DTWD2: variants seen among roughly 807,000 people sequenced by gnomAD.
DTWD2 encodes the protein DTW motif tRNA-uridine aminocarboxypropyltransferase 2.
In DTWD2, 39 loss-of-function variants were observed where a neutral mutation model predicts 31.8. The ratio of observed to expected loss-of-function variants is 1.22; its 90% CI spans 0.95 to 1.60. DTWD2 has a LOEUF of 1.60. Ranked by LOEUF, DTWD2 falls within the 40% of genes most tolerant of loss-of-function variation. DTWD2 has a pLI of 0.00. For missense variants in DTWD2, 515 were observed against 381.5 expected, an observed-to-expected ratio of 1.35 and a Z score of -2.92; for synonymous variants, 180 against 142.8, an observed-to-expected ratio of 1.26 and a Z score of -1.86.
chr5:118,911,676 T>C (rs1324841230), intron 4 of DTWD2, among the ~76,000 whole-genome samples: 1 of 152,008 alleles, frequency 6.6e-6, no homozygotes, highest in African/African-American at 2.4e-5. Context: ...CACACACATA[T>C]ACACACACAC....
intron 4 of DTWD2, among the ~76,000 whole-genome samples, chr5:118,883,932 T>A (rs1752798468): frequency 6.6e-6 from 1 of 152,184 alleles, no homozygotes; most frequent in South Asian, 2.1e-4. Context: ...TCACAAATAT[T>A]TATAGTTCTG....
chr5:118,848,145 A>G lies in DTWD2; in HGVS notation c.671T>C (p.Leu224Pro), dbSNP rs748745635. Residue 224 changes from leucine to proline, a missense_variant, in exon 5 of 6, where the codon CTG becomes CCG. By Grantham distance (98) the Leu-to-Pro change is moderately conservative. Transcript: ENST00000510708. Reference protein sequence around the residue: ...MQPTNRCLSTLECAAVALSIL... With the variant: ...MQPTNRCLSTPECAAVALSIL... ...GGAAAGAGCAACAGCTGCACACTCC[A>G]GTGTAGAAAGGCATCTATTAGTCGG... 6.2e-7 allele frequency: 1 copy of G among 1,607,516 alleles called. No homozygotes were observed. The highest frequency in any genetic ancestry group is 8.5e-7 in the Non-Finnish European group (1 of 1,177,060).
At chr5:118,931,759 A>C (rs1442821123) in intron 3 of DTWD2, among the ~76,000 whole-genome samples, 1 of 152,208 alleles carries the variant, frequency 6.6e-6, no homozygotes, top group East Asian at 1.9e-4. Flanking sequence ...ATATTTATAG[A>C]ATAGTCCACC....
In DTWD2 at chr5:118,836,694, C is replaced by T. The variant is rs1751577266; in HGVS notation, c.*4223G>A. Among the ~76,000 whole-genome samples the T allele has an allele frequency of 6.6e-6, 1 of 152,122 alleles. No individual in the cohort carries two copies. Among genetic ancestry groups the T allele is most frequent in the African/African-American group, 2.4e-5 (1 of 41,416 alleles). ...GAGGTATAGTATTAGGAAGTGGAAC[C>T]TTTGGGGGATGATTAGGTCATAAGG... On this transcript the variant is annotated 3_prime_UTR_variant, in exon 6 of 6. Transcript: ENST00000510708.
intron 5 of DTWD2, among the ~76,000 whole-genome samples, chr5:118,846,556 C>T (rs1351416913): frequency 6.6e-6 from 1 of 152,000 alleles, no homozygotes; most frequent in Non-Finnish European, 1.5e-5. Flanking sequence ...TTGTCTGATC[C>T]TAGAGTTTTA....
intron 4 of DTWD2, among the ~76,000 whole-genome samples, chr5:118,849,367 C>A (rs1004699057): frequency 1.3e-5 from 2 of 152,104 alleles, no homozygotes; most frequent in African/African-American, 4.8e-5. Flanking sequence ...ATTAAAAAGT[C>A]AGGAAACAAT....
At position 118,926,021 on chromosome 5, in the gene DTWD2, C is replaced by T. The variant is rs368170822; in HGVS notation, c.597+2516G>A. On this transcript the variant is annotated intron_variant, in intron 4 of 5. Transcript: ENST00000510708. ...GAGGTAGGGAGAGGATCACTTGAGC[C>T]CTGGAGTTCAAGGCCAGCCTGGACA... Among the ~76,000 whole-genome samples, 8 of 151,964 alleles carry T rather than the reference C, an allele frequency of 5.3e-5. No homozygotes were observed. The East Asian group carries it at 7.7e-4, about 15-fold the overall frequency.
At chr5:118,985,194 A>G (rs905255876) in intron 1 of DTWD2, among the ~76,000 whole-genome samples, 2 of 151,930 alleles carry the variant, frequency 1.3e-5, no homozygotes, top group Middle Eastern at 3.4e-3. Context: ...TCTCGTACAT[A>G]CTGTTTCCTC....
At chr5:118,973,648 CTT>C (rs1561478054) in intron 1 of DTWD2, 1 of 789,840 alleles carries the variant, frequency 1.3e-6, no homozygotes, top group African/African-American at 1.7e-5. Flanking sequence ...CGGCAGCCTC[CTT>C]GCTCGCGGCA....
At chr5:118,860,210 T>C (rs1752229344) in intron 4 of DTWD2, among the ~76,000 whole-genome samples, 1 of 149,600 alleles carries the variant, frequency 6.7e-6, no homozygotes, top group Admixed American at 6.7e-5. Context: ...AGTATGTTTA[T>C]AATATGTATT....
At chr5:118,951,248 G>T (rs1754458121) in intron 1 of DTWD2, among the ~76,000 whole-genome samples, 1 of 152,142 alleles carries the variant, frequency 6.6e-6, no homozygotes, top group Admixed American at 6.5e-5. Context: ...TTATAGGGTG[G>T]AGGAGCAGAA....
chr5:118,965,336 G>A lies in DTWD2; in HGVS notation c.219-20687C>T, dbSNP rs527527160. On this transcript the variant is annotated intron_variant, in intron 1 of 5. Transcript: ENST00000510708. ...GGCGTCTCCGCTCAGCCGCCACCCC[G>A]TCCGGGAGGTGAGGGGCGCCTCTGC... is the stretch of plus-strand genomic sequence containing the variant. Among the ~76,000 whole-genome samples the A allele has an allele frequency of 5.1e-3, 769 of 150,350 alleles. 10 individuals are homozygous for A. Among genetic ancestry groups the A allele is most frequent in the African/African-American group, 0.018 (728 of 40,808 alleles).
intron 4 of DTWD2, among the ~76,000 whole-genome samples, chr5:118,886,200 C>G (rs867157332): frequency 3.3e-5 from 5 of 152,326 alleles, no homozygotes; most frequent in Middle Eastern, 3.4e-3. Context: ...TTTACCAAGT[C>G]TCTGTACGTA....
chr5:118,892,455 G>A (rs1752995240), intron 4 of DTWD2, among the ~76,000 whole-genome samples: 1 of 151,994 alleles, frequency 6.6e-6, no homozygotes, highest in African/African-American at 2.4e-5. Flanking sequence ...CCATAATGAG[G>A]TATGACAGAA....
intron 4 of DTWD2, among the ~76,000 whole-genome samples, chr5:118,900,660 C>A (rs1753184588): frequency 6.6e-6 from 1 of 152,112 alleles, no homozygotes; most frequent in Admixed American, 6.5e-5. Flanking sequence ...GGCGGGGTGG[C>A]TCACGCCTGT....
chr5:118,896,504 C>T (rs1753087550), intron 4 of DTWD2, among the ~76,000 whole-genome samples: 1 of 150,408 alleles, frequency 6.6e-6, no homozygotes, highest in African/African-American at 2.4e-5. Context: ...AACATAAGAG[C>T]CAAAAAAAGA....
chr5:118,875,826 T>C (rs1400461638), intron 4 of DTWD2, among the ~76,000 whole-genome samples: 1 of 152,088 alleles, frequency 6.6e-6, no homozygotes, highest in African/African-American at 2.4e-5. Context: ...AACAAAGATA[T>C]TAAGGACCTG....
intron 2 of DTWD2, among the ~76,000 whole-genome samples, chr5:118,942,761 C>T (rs368556506): frequency 6.6e-6 from 1 of 152,150 alleles, no homozygotes; most frequent in South Asian, 2.1e-4. Context: ...ACTGTGTATA[C>T]TGCAAAATGA....
intron 1 of DTWD2, among the ~76,000 whole-genome samples, chr5:118,985,814 C>T (rs1377850189): frequency 6.6e-6 from 1 of 152,062 alleles, no homozygotes; most frequent in Non-Finnish European, 1.5e-5. Context: ...TTGAAAAGTT[C>T]AGAAAACACT....
Sources: allele counts gnomAD v4.1 joint callset (sites outside exome capture counted in the v4.1 genomes callset), GRCh38; gene constraint gnomAD v4.1.1; transcripts MANE v1.5; gene names NCBI Gene and HGNC (gene_info 2026-07-23, HGNC 2026-07-21).